Variants in CLYBL observed in about 807,000 individuals in gnomAD.
The protein encoded by CLYBL is citramalyl-CoA lyase.
CLYBL carries 31 observed loss-of-function variants against 38.9 expected under a neutral mutation model. The observed-to-expected ratio is 0.80, with a 90% CI of 0.60 to 1.08. The LOEUF (loss-of-function observed/expected upper bound fraction) is 1.08, where lower values mean the gene tolerates loss of function less well. CLYBL is among the 50% of genes least tolerant of loss of function. The probability of loss-of-function intolerance (pLI) is 0.00; values close to 1 mark genes in which losing one functional copy is unlikely to be tolerated. For missense variants in CLYBL, 434 were observed against 411.6 expected, an observed-to-expected ratio of 1.05 and a Z score of -0.47; for synonymous variants, 171 against 158.6, an observed-to-expected ratio of 1.08 and a Z score of -0.59.
At chr13:99,724,723 C>T (rs1256908404) in intron 1 of CLYBL, among the ~76,000 whole-genome samples, 3 of 152,098 alleles carry the variant, frequency 2.0e-5, no homozygotes, top group African/African-American at 7.2e-5. Flanking sequence ...GACGCAAAGG[C>T]CATTGCAGCA....
chr13:99,723,870 G>A (rs2048429296), intron 1 of CLYBL, among the ~76,000 whole-genome samples: 1 of 152,102 alleles, frequency 6.6e-6, no homozygotes, highest in Non-Finnish European at 1.5e-5. Flanking sequence ...GATCTTTTTT[G>A]TGACAGATGT....
At chr13:99,871,087 G>T in intron 7 of CLYBL, 25 bp downstream of exon 7, 1 of 1,611,998 alleles carries the variant, frequency 6.2e-7, no homozygotes, top group Admixed American at 1.7e-5. Flanking sequence ...AATGCCTTGG[G>T]TGAGAGCAGT....
At chr13:99,777,496 C>CTT (rs200830971) in intron 2 of CLYBL, among the ~76,000 whole-genome samples, 22,512 of 143,156 alleles carry the variant, frequency 0.16, 2,222 homozygotes, top group East Asian at 0.36. Flanking sequence ...CTTTTCTTTT[C>CTT]TTTTTTTTTT....
intron 1 of CLYBL, among the ~76,000 whole-genome samples, chr13:99,712,014 A>G (rs148363047): frequency 3.9e-4 from 60 of 152,138 alleles, no homozygotes; most frequent in African/African-American, 1.4e-3. Flanking sequence ...TCTGTCTTTT[A>G]TAAAGGTGCT....
intron 1 of CLYBL, among the ~76,000 whole-genome samples, chr13:99,754,402 G>A (rs577074101): frequency 7.7e-4 from 95 of 123,644 alleles, no homozygotes; most frequent in African/African-American, 2.8e-3. Context: ...GGGCAACAGC[G>A]TGAGACCCTG....
At chr13:99,682,066 C>G (rs1339941833) in intron 1 of CLYBL, among the ~76,000 whole-genome samples, 1 of 152,146 alleles carries the variant, frequency 6.6e-6, no homozygotes, top group Non-Finnish European at 1.5e-5. Context: ...GGCTTATTGC[C>G]CCTCTGACAT....
intron 1 of CLYBL, among the ~76,000 whole-genome samples, chr13:99,608,847 CTTTT>C (rs57961216): frequency 2.6e-3 from 226 of 87,712 alleles, no homozygotes; most frequent in African/African-American, 0.011. Context: ...AGTGATGAGT[CTTTT>C]TTTTTTTTTT....
intron 2 of CLYBL, among the ~76,000 whole-genome samples, chr13:99,820,520 T>C (rs1006662365): frequency 7.0e-6 from 1 of 143,830 alleles, no homozygotes; most frequent in South Asian, 2.5e-4. Flanking sequence ...GCTGTATTTG[T>C]CTGAGACAGT....
At chr13:99,881,493 G>A (rs2052207901) in intron 7 of CLYBL, among the ~76,000 whole-genome samples, 1 of 152,026 alleles carries the variant, frequency 6.6e-6, no homozygotes. Flanking sequence ...CATGATCATG[G>A]CTCACTTCAG....
chr13:99,626,670 T>G (rs2046874190), intron 1 of CLYBL, among the ~76,000 whole-genome samples: 1 of 152,202 alleles, frequency 6.6e-6, no homozygotes, highest in South Asian at 2.1e-4. Flanking sequence ...TATTTGGAGC[T>G]TTCAGGTGAC....
intron 1 of CLYBL, among the ~76,000 whole-genome samples, chr13:99,645,497 C>CAAAAAA (rs35412408): frequency 4.2e-5 from 4 of 94,184 alleles, no homozygotes; most frequent in African/African-American, 1.2e-4. Flanking sequence ...GACTCTGTCT[C>CAAAAAA]AAAAAAAAAA....
intron 8 of CLYBL, among the ~76,000 whole-genome samples, chr13:99,903,053 C>T (rs1400891809): frequency 6.6e-6 from 1 of 152,260 alleles, no homozygotes; most frequent in Admixed American, 6.5e-5. Flanking sequence ...TCAACCATAG[C>T]ATCACTTTGC....
chr13:99,784,943 G>T (rs1394296966), intron 2 of CLYBL, among the ~76,000 whole-genome samples: 2 of 151,020 alleles, frequency 1.3e-5, no homozygotes, highest in Non-Finnish European at 3.0e-5. Flanking sequence ...CAGGCTTGGG[G>T]TGCAATGGTG....
chr13:99,737,682 A>G (rs1348737128), intron 1 of CLYBL, among the ~76,000 whole-genome samples: 1 of 152,206 alleles, frequency 6.6e-6, no homozygotes, highest in African/African-American at 2.4e-5. Flanking sequence ...TCCTGAGCTC[A>G]AGAAAAACAG....
intron 1 of CLYBL, among the ~76,000 whole-genome samples, chr13:99,708,155 A>G (rs1238345432): frequency 6.6e-6 from 1 of 151,858 alleles, no homozygotes; most frequent in African/African-American, 2.4e-5. Flanking sequence ...ATTTTTTTGT[A>G]TTTTTGGTAA....
intron 2 of CLYBL, among the ~76,000 whole-genome samples, chr13:99,829,406 G>A (rs1339454072): frequency 3.3e-5 from 5 of 152,176 alleles, no homozygotes; most frequent in Admixed American, 3.3e-4. Context: ...CCGCCATCTG[G>A]GGCTTTTTTC....
At chr13:99,630,840 A>G (rs546692819) in intron 1 of CLYBL, among the ~76,000 whole-genome samples, 13 of 152,256 alleles carry the variant, frequency 8.5e-5, no homozygotes, top group East Asian at 1.9e-4. Flanking sequence ...TCTTTTGCCT[A>G]TTTTACAGAT....
At chr13:99,817,678 A>T (rs982347172) in intron 2 of CLYBL, among the ~76,000 whole-genome samples, 3 of 150,304 alleles carry the variant, frequency 2.0e-5, no homozygotes, top group African/African-American at 7.3e-5. Flanking sequence ...AAAAAAGAAA[A>T]GAAAAAAGAA....
intron 1 of CLYBL, among the ~76,000 whole-genome samples, chr13:99,664,770 C>T (rs960792492): frequency 2.0e-5 from 3 of 152,034 alleles, no homozygotes; most frequent in African/African-American, 7.2e-5. Flanking sequence ...GTTTTGATTC[C>T]ACATGATCTC....
Sources: allele counts gnomAD v4.1 joint callset (sites outside exome capture counted in the v4.1 genomes callset), GRCh38; gene constraint gnomAD v4.1.1; transcripts MANE v1.5; gene names NCBI Gene and HGNC (gene_info 2026-07-23, HGNC 2026-07-21).